The following BRINP3 variants were observed in gnomAD, a reference collection of about 807,000 sequenced individuals.
The protein encoded by BRINP3 is BMP/retinoic acid-inducible neural-specific protein 3.
BRINP3 carries 19 observed loss-of-function variants against 71.0 expected under a neutral mutation model. That is an observed-to-expected ratio of 0.27 (90% CI 0.19 to 0.39). BRINP3 has a LOEUF of 0.39. Among genes scored for constraint, BRINP3 ranks in the 10% least tolerant of loss-of-function variants. BRINP3 has a pLI of 1.00. For synonymous variants in BRINP3, 380 were observed against 337.7 expected (o/e 1.13, Z -1.37); for missense variants, 959 against 940.8 (o/e 1.02, Z -0.25).
At chr1:190,405,239 C>CA (rs938212310) in intron 2 of BRINP3, among the ~76,000 whole-genome samples, 2 of 151,896 alleles carry the variant, frequency 1.3e-5, no homozygotes, top group African/African-American at 4.8e-5. Context: ...ATCACGAGGT[C>CA]AGCAGATCGA....
intron 2 of BRINP3, among the ~76,000 whole-genome samples, chr1:190,425,221 T>C (rs1186205017): frequency 1.3e-5 from 2 of 151,764 alleles, no homozygotes; most frequent in Non-Finnish European, 3.0e-5. Context: ...AAGTGTTATA[T>C]AACAGTTTAC....
intron 2 of BRINP3, among the ~76,000 whole-genome samples, chr1:190,340,263 GA>G (rs1232077196): frequency 1.3e-5 from 2 of 151,882 alleles, no homozygotes; most frequent in East Asian, 1.9e-4. Flanking sequence ...TCAAGGAATA[GA>G]AAAATGGAGG....
chr1:190,130,956 A>G (rs1312339498), intron 7 of BRINP3, among the ~76,000 whole-genome samples: 1 of 151,824 alleles, frequency 6.6e-6, no homozygotes, highest in Non-Finnish European at 1.5e-5. Context: ...AAGTTCTCAC[A>G]CCAGTATAAT....
rs1396241073 is a variant in BRINP3 at position 190,281,480 on chromosome 1, GATTA to G, written c.427+76_427+79del. 8 of 1,307,008 alleles carry G rather than the reference GATTA, an allele frequency of 6.1e-6. No homozygotes were observed. In the East Asian group the frequency reaches 7.0e-5, roughly 11 times the overall value. The allele number at this position is 1,307,008 out of a possible 1,614,324, so 81.0% of individuals were successfully genotyped here. ...TAACTATTCATACTGTAGCTATCTT[GATTA>G]ATTAACACTTTTCTGCGATTTATAC... On this transcript the variant is annotated intron_variant, in intron 3 of 7. Coordinates refer to ENST00000367462, the MANE Select transcript of BRINP3 (RefSeq NM_199051.3).
intron 2 of BRINP3, among the ~76,000 whole-genome samples, chr1:190,394,691 C>A (rs901482245): frequency 2.0e-5 from 3 of 151,514 alleles, no homozygotes; most frequent in Admixed American, 6.6e-5. Flanking sequence ...GCTATCTATA[C>A]GTTTTTTCTA....
intron 4 of BRINP3, among the ~76,000 whole-genome samples, chr1:190,238,194 A>G (rs1365321240): frequency 6.6e-6 from 1 of 152,056 alleles, no homozygotes; most frequent in Non-Finnish European, 1.5e-5. Context: ...TAATCATTCA[A>G]AAAACTTTGG....
rs1214116476 is a variant in BRINP3, at chr1:190,454,762, G to A, written c.129C>T (p.Pro43=). Residue 43 remains proline, a synonymous_variant, in exon 2 of 8, where the codon CCC becomes CCT. Transcript: ENST00000367462. ...AAVSDQHATS[P]FDWLLSDKGP... Reference sequence around the variant, plus strand: ...CCTTATCAGAGAGGAGCCAGTCGAAGGGGCTTGTGGCATGCTGATCCGAAA... The same window carrying A: ...CCTTATCAGAGAGGAGCCAGTCGAAAGGGCTTGTGGCATGCTGATCCGAAA... 1 of 1,614,160 alleles carries A rather than the reference G, an allele frequency of 6.2e-7. No homozygotes were observed. The highest frequency in any genetic ancestry group is 8.5e-7 in the Non-Finnish European group (1 of 1,180,030).
chr1:190,234,395 G>C lies in BRINP3; in HGVS notation c.701C>G (p.Pro234Arg), dbSNP rs952883448. The change falls in exon 5 of 8, where the codon CCT becomes CGT. Residue 234 changes from proline (P) to arginine (R), a missense_variant. Transcript: ENST00000367462. ...DSVSSVLVQS[P>R]ENKIQLQGLQ... Reference sequence around the variant, plus strand: ...ACCTTGCAACTGAATCTTATTCTCAGGACTCTGAACCAGAACAGAACTGAC... The same window carrying C: ...ACCTTGCAACTGAATCTTATTCTCACGACTCTGAACCAGAACAGAACTGAC... 1 of 1,610,724 alleles carries C rather than the reference G, an allele frequency of 6.2e-7. No homozygotes were observed. The highest frequency in any genetic ancestry group is 1.3e-5 in the African/African-American group (1 of 74,840).
At chr1:190,174,797 C>T (rs1212846966) in intron 6 of BRINP3, among the ~76,000 whole-genome samples, 1 of 152,036 alleles carries the variant, frequency 6.6e-6, no homozygotes, top group Non-Finnish European at 1.5e-5. Context: ...AGCTGTAGAT[C>T]CTCCCAATAA....
chr1:190,407,941 C>G (rs1214350005), intron 2 of BRINP3, among the ~76,000 whole-genome samples: 1 of 151,794 alleles, frequency 6.6e-6, no homozygotes, highest in Non-Finnish European at 1.5e-5. Flanking sequence ...CCATATCCTC[C>G]TCATTGGAAT....
chr1:190,451,656 G>A (rs1675615089), intron 2 of BRINP3, among the ~76,000 whole-genome samples: 1 of 151,868 alleles, frequency 6.6e-6, no homozygotes, highest in African/African-American at 2.4e-5. Context: ...AAGTCTTAAT[G>A]TAGTTTCAAA....
At chr1:190,208,042 G>A (rs1571365070) in intron 6 of BRINP3, among the ~76,000 whole-genome samples, 1 of 151,898 alleles carries the variant, frequency 6.6e-6, no homozygotes, top group South Asian at 2.1e-4. Flanking sequence ...CCGCCTCCTG[G>A]GCTCAAGGGA....
Position 190,411,301 on chromosome 1 carries a change from T to G in BRINP3, c.236+43354A>C, listed in dbSNP as rs111911976. Among the ~76,000 whole-genome samples, 495 of 152,274 alleles carry G rather than the reference T, an allele frequency of 3.3e-3. 7 individuals carry two copies. Among genetic ancestry groups the G allele is most frequent in the African/African-American group, 0.011 (463 of 41,554 alleles). ...TACCTCACCCCATAGAAATCAGGTA[T>G]ACTTAATACTTGAATGTGAAAATAA... On this transcript the variant is annotated intron_variant, in intron 2 of 7. Coordinates refer to ENST00000367462, the MANE Select transcript of BRINP3 (RefSeq NM_199051.3).
At chr1:190,405,601 T>C (rs1672232747) in intron 2 of BRINP3, among the ~76,000 whole-genome samples, 1 of 150,510 alleles carries the variant, frequency 6.6e-6, no homozygotes, top group South Asian at 2.1e-4. Context: ...AGGCTTACCA[T>C]ATAAATTAGT....
At chr1:190,245,042 A>T (rs1172762402) in intron 4 of BRINP3, among the ~76,000 whole-genome samples, 1 of 152,074 alleles carries the variant, frequency 6.6e-6, no homozygotes, top group South Asian at 2.1e-4. Context: ...ATAATAGGAC[A>T]ACTAATACCT....
At chr1:190,124,722 T>C (rs1653951200) in intron 7 of BRINP3, among the ~76,000 whole-genome samples, 3 of 152,014 alleles carry the variant, frequency 2.0e-5, no homozygotes, top group Admixed American at 2.0e-4. Context: ...TCAAAGCTTA[T>C]CAGAAGGGGC....
At chr1:190,414,785 G>A (rs1388446848) in intron 2 of BRINP3, among the ~76,000 whole-genome samples, 1 of 152,130 alleles carries the variant, frequency 6.6e-6, no homozygotes, top group Non-Finnish European at 1.5e-5. Flanking sequence ...TTTGAAAAAT[G>A]ACAGTCTCTC....
intron 2 of BRINP3, among the ~76,000 whole-genome samples, chr1:190,438,020 T>G (rs1022247754): frequency 2.6e-5 from 4 of 151,240 alleles, no homozygotes; most frequent in African/African-American, 4.8e-5. Flanking sequence ...ATAACTTCAC[T>G]CCTCAAGATT....
chr1:190,217,510 T>G (rs1656514173), intron 6 of BRINP3, among the ~76,000 whole-genome samples: 1 of 151,982 alleles, frequency 6.6e-6, no homozygotes, highest in Non-Finnish European at 1.5e-5. Context: ...AGATATAATT[T>G]ATGAATAAAA....
Sources: gnomAD v4.1 joint callset for allele counts (sites outside exome capture counted in the v4.1 genomes callset) on GRCh38, gnomAD v4.1.1 for gene constraint, MANE v1.5 for transcripts, NCBI Gene and HGNC (gene_info 2026-07-23, HGNC 2026-07-21) for gene names.